C1GALT1: variants seen among roughly 807,000 people sequenced by gnomAD.
The protein encoded by C1GALT1 is glycoprotein-N-acetylgalactosamine 3-beta-galactosyltransferase 1.
A neutral mutation model predicts 31.0 loss-of-function variants in C1GALT1; 11 were observed. That is an observed-to-expected ratio of 0.36 (90% CI 0.22 to 0.59). The LOEUF is 0.59. C1GALT1 is among the 20% of genes least tolerant of loss of function. The probability of loss-of-function intolerance (pLI) is 0.79; values close to 1 mark genes in which losing one functional copy is unlikely to be tolerated. For synonymous variants in C1GALT1, 175 were observed against 143.6 expected, an observed-to-expected ratio of 1.22 and a Z score of -1.56; for missense variants, 424 against 425.2, an observed-to-expected ratio of 1.00 and a Z score of 0.03.
chr7:7,219,052 T>A (rs1782386509), intron 1 of C1GALT1, among the ~76,000 whole-genome samples: 1 of 152,112 alleles, frequency 6.6e-6, no homozygotes, highest in Non-Finnish European at 1.5e-5. Context: ...TTAGCCAGGA[T>A]GGTCTCGATC....
At chr7:7,161,617 G>C (rs920803862) in intron 2 of C1GALT1, among the ~76,000 whole-genome samples, 1 of 151,958 alleles carries the variant, frequency 6.6e-6, no homozygotes, top group African/African-American at 2.4e-5. Flanking sequence ...GAAAAGACAG[G>C]CATCATCATC....
At chr7:7,211,808 C>G (rs1366290719) in intron 1 of C1GALT1, among the ~76,000 whole-genome samples, 2 of 152,160 alleles carry the variant, frequency 1.3e-5, no homozygotes, top group Non-Finnish European at 2.9e-5. Context: ...ATTACCCATC[C>G]CTTTTTCTTT....
At chr7:7,168,147 G>T (rs1168328428) in intron 2 of C1GALT1, among the ~76,000 whole-genome samples, 3 of 152,200 alleles carry the variant, frequency 2.0e-5, no homozygotes, top group Non-Finnish European at 2.9e-5. Context: ...CAGTTGTAGA[G>T]GGTGGTAAGG....
At chr7:7,198,807 C>G (rs57823420) in intron 1 of C1GALT1, among the ~76,000 whole-genome samples, 2,457 of 152,278 alleles carry the variant, frequency 0.016, 62 homozygotes, top group African/African-American at 0.055. Context: ...TCTAGATTTT[C>G]TAGTTTATTT....
upstream of C1GALT1, among the ~76,000 whole-genome samples, chr7:7,181,611 T>C (rs1390167732): frequency 1.3e-5 from 2 of 152,188 alleles, no homozygotes; most frequent in African/African-American, 2.4e-5. Context: ...TATTATTATT[T>C]GTCTCAGGCA....
intron 1 of C1GALT1, among the ~76,000 whole-genome samples, chr7:7,209,215 A>G (rs1042086518): frequency 2.6e-5 from 4 of 152,206 alleles, no homozygotes; most frequent in Non-Finnish European, 2.9e-5. Context: ...TTTGTTTGCT[A>G]TTGAAACGTG....
chr7:7,163,847 C>G (rs539276280), intron 2 of C1GALT1, among the ~76,000 whole-genome samples: 21 of 151,842 alleles, frequency 1.4e-4, no homozygotes, highest in African/African-American at 4.6e-4. Context: ...ACATTCCATG[C>G]TCATGGGTAG....
intron 3 of C1GALT1, among the ~76,000 whole-genome samples, chr7:7,240,204 T>C (rs982681803): frequency 2.0e-5 from 3 of 152,214 alleles, no homozygotes; most frequent in African/African-American, 7.2e-5. Flanking sequence ...GCTAGGAGGC[T>C]GCTACTGGCA....
chr7:7,174,109 G>T (rs1260923388), intron 2 of C1GALT1, among the ~76,000 whole-genome samples: 1 of 151,892 alleles, frequency 6.6e-6, no homozygotes, highest in Non-Finnish European at 1.5e-5. Flanking sequence ...TGTATGCTGA[G>T]AGACAGAAAG....
intron 1 of C1GALT1, among the ~76,000 whole-genome samples, chr7:7,183,135 C>T (rs1056643252): frequency 6.6e-6 from 1 of 152,088 alleles, no homozygotes; most frequent in African/African-American, 2.4e-5. Context: ...CTTCTGCTCG[C>T]GCGCTGCCTG....
chr7:7,193,819 G>A (rs563310667), intron 1 of C1GALT1, among the ~76,000 whole-genome samples: 4 of 152,030 alleles, frequency 2.6e-5, no homozygotes, highest in Admixed American at 2.6e-4. Context: ...CATGGAATGT[G>A]TTTCCATTTG....
chr7:7,218,793 T>A (rs989408293), intron 1 of C1GALT1, among the ~76,000 whole-genome samples: 3 of 152,136 alleles, frequency 2.0e-5, no homozygotes, highest in Non-Finnish European at 4.4e-5. Flanking sequence ...ACCTTGTAAT[T>A]GGGTTTAAAA....
At chr7:7,169,076 C>T (rs1780426001) in intron 2 of C1GALT1, among the ~76,000 whole-genome samples, 1 of 152,158 alleles carries the variant, frequency 6.6e-6, no homozygotes, top group Non-Finnish European at 1.5e-5. Flanking sequence ...AAATTTGCCT[C>T]TTCTAGATAT....
chr7:7,245,317 A>G lies in C1GALT1; in HGVS notation c.*1590A>G, dbSNP rs1392997420. 6.6e-6 allele frequency: 1 copy of G among 152,334 alleles called. No homozygotes were observed. Among genetic ancestry groups the G allele is most frequent in the Non-Finnish European group, 1.5e-5 (1 of 68,164 alleles). 9.4% of individuals were successfully genotyped at this position (152,334 alleles called of 1,614,324 possible). ...CTCAGCCTCCCGAGTAGCGGGGATTACAGGCACGCGCTGCCACGCCCCGCC... is the reference window on the plus strand; with the variant it reads ...CTCAGCCTCCCGAGTAGCGGGGATTGCAGGCACGCGCTGCCACGCCCCGCC... On this transcript the variant is annotated 3_prime_UTR_variant, in exon 4 of 4. Coordinates refer to ENST00000436587, the MANE Select transcript of C1GALT1 (RefSeq NM_020156.5).
chr7:7,182,832 G>A lies in C1GALT1; in HGVS notation c.-18+12G>A. On this transcript the variant is annotated intron_variant, in intron 1 of 3. Transcript: ENST00000436587. ...GCAGCTGATGTCAGGTATGGCCGGC[G>A]GAGGCGCCCTCAGGCTACGGGTCCA... The A allele has an allele frequency of 1.0e-6, 1 of 985,544 alleles. No individual in the cohort carries two copies. The highest frequency in any genetic ancestry group is 1.2e-6 in the Non-Finnish European group (1 of 830,098). 61.0% of individuals were successfully genotyped at this position (985,544 alleles called of 1,614,324 possible). A position where few individuals can be genotyped will look rare whatever the true frequency, so the allele number is the denominator to read the frequency against.
intron 1 of C1GALT1, among the ~76,000 whole-genome samples, chr7:7,219,514 A>C (rs573545220): frequency 6.6e-6 from 1 of 152,170 alleles, no homozygotes; most frequent in Non-Finnish European, 1.5e-5. Flanking sequence ...TCTGAAAAAA[A>C]TAAAGCCTTA....
At chr7:7,165,233 A>G (rs1780378715) in intron 2 of C1GALT1, among the ~76,000 whole-genome samples, 1 of 152,170 alleles carries the variant, frequency 6.6e-6, no homozygotes, top group Non-Finnish European at 1.5e-5. Flanking sequence ...CATCTGTGTT[A>G]GAAGATGGTG....
At chr7:7,198,573 C>G (rs2128234828) in intron 1 of C1GALT1, among the ~76,000 whole-genome samples, 1 of 152,282 alleles carries the variant, frequency 6.6e-6, no homozygotes, top group Non-Finnish European at 1.5e-5. Flanking sequence ...AGGATTCCCT[C>G]TTTTTCTGTT....
chr7:7,238,922 G>A lies in C1GALT1; in HGVS notation c.888G>A (p.Glu296=), dbSNP rs916834244. 1.3e-6 allele frequency: 2 copies of A among 1,596,078 alleles called. No homozygotes were observed. The highest frequency in any genetic ancestry group is 2.7e-5 in the African/African-American group (2 of 73,684). The change falls in exon 3 of 4, where the codon GAG becomes GAA. Residue 296 remains glutamate, a splice_region_variant and synonymous_variant. Transcript: ENST00000436587. This position sits in a 1 kb window ranked among gnomAD's most constrained non-coding sequence, Gnocchi z 5.2. The part of the protein sequence containing the change: ...YWNYNYYPPV[E]GPGCCSDLAV... ...ATTACAACTATTATCCTCCTGTAGAGGTAAGTTTAGAAATTTTATTACTAT... is the reference window on the plus strand; with the variant it reads ...ATTACAACTATTATCCTCCTGTAGAAGTAAGTTTAGAAATTTTATTACTAT...
Sources: allele counts gnomAD v4.1 joint callset (sites outside exome capture counted in the v4.1 genomes callset), GRCh38; gene constraint gnomAD v4.1.1; non-coding constraint Gnocchi (gnomAD v3.1); transcripts MANE v1.5; gene names NCBI Gene and HGNC (gene_info 2026-07-23, HGNC 2026-07-21).